CCNK: variants seen among roughly 807,000 people sequenced by gnomAD.
The protein encoded by CCNK is cyclin K, also known as cyclin-K.
A neutral mutation model predicts 65.0 loss-of-function variants in CCNK; 9 were observed. The observed-to-expected ratio is 0.14, with a 90% CI of 0.08 to 0.24. The LOEUF is 0.24. Among genes scored for constraint, CCNK ranks in the 10% least tolerant of loss-of-function variants. The pLI, the probability that CCNK is intolerant of heterozygous loss-of-function variation, is 1.00. For missense variants in CCNK, 474 were observed against 720.0 expected (o/e 0.66, Z 3.91); for synonymous variants, 279 against 270.8 (o/e 1.03, Z -0.30).
At chr14:99,486,191 G>C (rs925342663) in intron 1 of CCNK, among the ~76,000 whole-genome samples, 4 of 152,040 alleles carry the variant, frequency 2.6e-5, no homozygotes, top group African/African-American at 9.7e-5. Context: ...TACCATCTCT[G>C]GTTTAAAGCT....
At chr14:99,499,607 C>T (rs916432105) in intron 4 of CCNK, among the ~76,000 whole-genome samples, 3 of 152,264 alleles carry the variant, frequency 2.0e-5, no homozygotes, top group South Asian at 2.1e-4. Flanking sequence ...TTGTCCTCCC[C>T]GCACACAGTG....
At chr14:99,493,042 C>G in intron 2 of CCNK, 168 bp downstream of exon 2, 2 of 681,194 alleles carry the variant, frequency 2.9e-6, no homozygotes, top group South Asian at 4.6e-5. Flanking sequence ...TCTGATTTGT[C>G]ATTTTAAAGG....
intron 9 of CCNK, chr14:99,505,461 A>G (rs1163107071): frequency 6.6e-6 from 1 of 152,194 alleles, no homozygotes; most frequent in Non-Finnish European, 1.5e-5. Flanking sequence ...GTAAAGCTTT[A>G]TATTGGTTAC....
chr14:99,489,759 A>G (rs1234975073), intron 1 of CCNK, among the ~76,000 whole-genome samples: 2 of 152,236 alleles, frequency 1.3e-5, no homozygotes, highest in African/African-American at 4.8e-5. Context: ...TCAAAGTTAT[A>G]AAAGTACTCT....
chr14:99,504,006 CG>C (rs565031470), intron 9 of CCNK: 56 of 356,038 alleles, frequency 1.6e-4, no homozygotes, highest in Non-Finnish European at 2.5e-4. Flanking sequence ...ACAGCAGATG[CG>C]GGGGGGCAGT....
chr14:99,496,016 A>G (rs750917424), intron 4 of CCNK, among the ~76,000 whole-genome samples: 20 of 152,322 alleles, frequency 1.3e-4, no homozygotes, highest in Admixed American at 3.9e-4. Flanking sequence ...ACATGCCTAC[A>G]TATGCCATGT....
At chr14:99,493,466 G>A in intron 2 of CCNK, 48 bp from the exon 3 acceptor site, 1 of 1,182,312 alleles carries the variant, frequency 8.5e-7, no homozygotes, top group Non-Finnish European at 1.2e-6. Context: ...TTAACTAAGA[G>A]TATAACCTGT....
Position 99,510,805 on chromosome 14 carries a change from G to A in CCNK, c.*23G>A. The stretch of plus-strand genomic sequence containing the variant: ...TAACGTGAGCCTTTTTTCCCTCTTT[G>A]TTTTTTTAACAAGATTTTCTAATCG... On this transcript the variant is annotated 3_prime_UTR_variant, in exon 11 of 11. Transcript: ENST00000389879. 1.4e-6 allele frequency: 2 copies of A among 1,409,160 alleles called. No individual in the cohort carries two copies. The highest frequency in any genetic ancestry group is 1.9e-6 in the Non-Finnish European group (2 of 1,080,932). The allele number at this position is 1,409,160 out of a possible 1,614,324, so 87.3% of individuals were successfully genotyped here.
In CCNK at chr14:99,502,063, ACT is replaced by A. The variant is rs1896843529; in HGVS notation, c.576-143_576-142del. On this transcript the variant is annotated intron_variant, in intron 6 of 10. Coordinates refer to ENST00000389879, the MANE Select transcript of CCNK (RefSeq NM_001099402.2). The stretch of plus-strand genomic sequence containing the variant: ...GTCGGGTACCTTTAGAAGAGTAAAG[ACT>A]TGAGTTTATTTATTTATAGTACTTT... 30 of 871,672 alleles carry A rather than the reference ACT, an allele frequency of 3.4e-5. No homozygotes were observed. In the South Asian group the frequency reaches 4.8e-4, roughly 14 times the overall value. 54.0% of individuals were successfully genotyped at this position (871,672 alleles called of 1,614,324 possible).
At chr14:99,490,971 T>C (rs1294206458) in intron 1 of CCNK, among the ~76,000 whole-genome samples, 1 of 152,044 alleles carries the variant, frequency 6.6e-6, no homozygotes, top group Non-Finnish European at 1.5e-5. Context: ...TCCCCTCCTT[T>C]CTTACATAGA....
intron 4 of CCNK, among the ~76,000 whole-genome samples, chr14:99,497,571 G>A (rs993270570): frequency 6.6e-6 from 1 of 152,222 alleles, no homozygotes; most frequent in Non-Finnish European, 1.5e-5. Flanking sequence ...AATGGTCTGA[G>A]GAAATTTCTA....
intron 10 of CCNK, 199 bp from the exon 11 acceptor site, chr14:99,509,958 G>T: frequency 1.6e-6 from 1 of 614,156 alleles, no homozygotes; most frequent in Middle Eastern, 4.4e-4. Flanking sequence ...CGCAGACAGG[G>T]TGGAGGGCCT....
At chr14:99,483,178 T>C (rs1309815215) in intron 1 of CCNK, among the ~76,000 whole-genome samples, 3 of 152,146 alleles carry the variant, frequency 2.0e-5, no homozygotes, top group African/African-American at 7.2e-5. Flanking sequence ...TAGAATCTTG[T>C]TGGAAGAGCC....
chr14:99,489,483 T>C (rs559283747), intron 1 of CCNK, among the ~76,000 whole-genome samples: 31 of 152,298 alleles, frequency 2.0e-4, no homozygotes, highest in African/African-American at 7.5e-4. Context: ...TGAACTAGGA[T>C]CATGCCACTG....
Position 99,510,551 on chromosome 14 carries a change from T to A in CCNK, c.1512T>A (p.Pro504=). ...FPPPAIPPPT[P]GYPPPPPTYN... ...CACCTGCCATCCCACCCCCTACTCC[T>A]GGCTACCCCCCACCCCCACCCACCT... is the stretch of plus-strand genomic sequence containing the variant. The change falls in exon 11 of 11, where the codon CCT becomes CCA. Residue 504 remains proline, a synonymous_variant. Coordinates refer to ENST00000389879, the MANE Select transcript of CCNK (RefSeq NM_001099402.2). 1 of 327,130 alleles carries A rather than the reference T, an allele frequency of 3.1e-6. No homozygotes were observed. The highest frequency in any genetic ancestry group is 5.5e-6 in the Non-Finnish European group (1 of 181,258). The allele number at this position is 327,130 out of a possible 1,614,324, so 20.3% of individuals were successfully genotyped here. A position where few individuals can be genotyped will look rare whatever the true frequency, so the allele number is the denominator to read the frequency against.
chr14:99,502,595 G>A, intron 7 of CCNK, 124 bp from the exon 8 acceptor site: 1 of 1,201,234 alleles, frequency 8.3e-7, no homozygotes, highest in Non-Finnish European at 1.2e-6. Flanking sequence ...ACGAAGATGG[G>A]GTGAGTTGTA....
chr14:99,510,756 C>T lies in CCNK; in HGVS notation c.1717C>T (p.Leu573=), dbSNP rs2139888545. Residue 573 remains leucine (L), a synonymous_variant, in exon 11 of 11, where the codon CTG becomes TTG. Transcript: ENST00000389879. The part of the protein sequence containing the change: ...PPPGMPPVGG[L]GRAAWMR Reference sequence around the variant, plus strand: ...ACCCGGCATGCCTCCAGTTGGGGGGCTGGGGCGGGCAGCCTGGATGAGATA... The same window carrying T: ...ACCCGGCATGCCTCCAGTTGGGGGGTTGGGGCGGGCAGCCTGGATGAGATA... 1.5e-5 allele frequency: 22 copies of T among 1,455,942 alleles called. No individual in the cohort carries two copies. The highest frequency in any genetic ancestry group is 1.8e-5 in the Non-Finnish European group (20 of 1,105,268). 90.2% of individuals were successfully genotyped at this position (1,455,942 alleles called of 1,614,324 possible).
At position 99,511,776 on chromosome 14, in the gene CCNK, A is replaced by AACTT. The variant is rs1340635774; in HGVS notation, c.*995_*998dup. 6.6e-6 allele frequency: 1 copy of AACTT among 152,616 alleles called. No individual in the cohort carries two copies. Among genetic ancestry groups the AACTT allele is most frequent in the African/African-American group, 2.4e-5 (1 of 41,436 alleles). 9.5% of individuals were successfully genotyped at this position (152,616 alleles called of 1,614,324 possible). On this transcript the variant is annotated 3_prime_UTR_variant, in exon 11 of 11. Transcript: ENST00000389879. ...CTGGTTGAGTTCCAAACCAGTTTGA[A>AACTT]ACTTTGAAGCCTTGCTGCGTAGAAC...
intron 10 of CCNK, chr14:99,509,186 C>G (rs540035076): frequency 2.0e-5 from 3 of 152,280 alleles, no homozygotes; most frequent in African/African-American, 7.2e-5. Context: ...GAAGCATCTT[C>G]GTGGCTTTGT....
Sources: gnomAD v4.1 joint callset for allele counts (sites outside exome capture counted in the v4.1 genomes callset) on GRCh38, gnomAD v4.1.1 for gene constraint, MANE v1.5 for transcripts, NCBI Gene and HGNC (gene_info 2026-07-23, HGNC 2026-07-21) for gene names.